The following ANKRD55 variants were observed in gnomAD, a reference collection of about 807,000 sequenced individuals.
ANKRD55 encodes ankyrin repeat domain 55.
Under a neutral mutation model 60.6 loss-of-function variants are expected in ANKRD55, and 41 were observed. The ratio of observed to expected loss-of-function variants is 0.68; its 90% CI spans 0.53 to 0.88. The LOEUF (loss-of-function observed/expected upper bound fraction) is 0.88, where lower values mean the gene tolerates loss of function less well. Ranked by LOEUF, ANKRD55 falls within the 40% of genes least tolerant of loss-of-function variation. The probability of loss-of-function intolerance (pLI) is 0.00; values close to 1 mark genes in which losing one functional copy is unlikely to be tolerated. For missense variants in ANKRD55, 732 were observed against 767.6 expected, an observed-to-expected ratio of 0.95 and a Z score of 0.55; for synonymous variants, 264 against 290.3, an observed-to-expected ratio of 0.91 and a Z score of 0.92.
chr5:56,112,511 A>AAAAAAAAAAAAAAACAAAAAAAAAAAC, intron 9 of ANKRD55, among the ~76,000 whole-genome samples: 11 of 81,522 alleles, frequency 1.3e-4, no homozygotes, highest in African/African-American at 3.8e-4. Context: ...TAGCAAAAAA[A>AAAAAAAAAAAAAAACAAAAAAAAAAAC]AAAAAAAAAA....
At chr5:56,148,048 G>A (rs1352013953) in intron 6 of ANKRD55, among the ~76,000 whole-genome samples, 2 of 152,218 alleles carry the variant, frequency 1.3e-5, no homozygotes, top group African/African-American at 4.8e-5. Context: ...AAAGGCAGAT[G>A]CTGTGGCATA....
intron 7 of ANKRD55, among the ~76,000 whole-genome samples, chr5:56,138,742 A>G (rs530626954): frequency 2.6e-5 from 4 of 152,254 alleles, no homozygotes; most frequent in Non-Finnish European, 4.4e-5. Context: ...AAAAAGCTAC[A>G]TACAGTACAA....
intron 5 of ANKRD55, among the ~76,000 whole-genome samples, chr5:56,167,101 C>A (rs976726654): frequency 5.3e-5 from 8 of 152,156 alleles, no homozygotes; most frequent in African/African-American, 1.9e-4. Flanking sequence ...GGACTAGTTT[C>A]CAATATTCTG....
intron 5 of ANKRD55, among the ~76,000 whole-genome samples, chr5:56,162,597 C>T (rs1758358076): frequency 6.6e-6 from 1 of 151,970 alleles, no homozygotes; most frequent in Non-Finnish European, 1.5e-5. Context: ...CATTTTCCTG[C>T]TCTTTTGGGG....
intron 10 of ANKRD55, among the ~76,000 whole-genome samples, chr5:56,108,984 C>A (rs1229598790): frequency 1.3e-5 from 2 of 151,486 alleles, no homozygotes; most frequent in African/African-American, 4.9e-5. Flanking sequence ...TTGCAGTGAG[C>A]CGAGATCATG....
At chr5:56,224,479 C>T (rs1266758294) in intron 2 of ANKRD55, among the ~76,000 whole-genome samples, 1 of 151,922 alleles carries the variant, frequency 6.6e-6, no homozygotes, top group Non-Finnish European at 1.5e-5. Context: ...GCAAGAAATA[C>T]CTAAGATTAG....
intron 3 of ANKRD55, among the ~76,000 whole-genome samples, chr5:56,180,905 G>T (rs1485984354): frequency 6.6e-6 from 1 of 152,144 alleles, no homozygotes; most frequent in Non-Finnish European, 1.5e-5. Flanking sequence ...TCCTTTTCAA[G>T]ATGTATGCTT....
intron 7 of ANKRD55, among the ~76,000 whole-genome samples, chr5:56,136,133 A>T (rs1237969566): frequency 6.6e-6 from 1 of 152,214 alleles, no homozygotes; most frequent in Non-Finnish European, 1.5e-5. Flanking sequence ...AAATAAATGG[A>T]TATTGCATGT....
chr5:56,158,787 G>A (rs1758255854), intron 6 of ANKRD55, among the ~76,000 whole-genome samples: 1 of 152,134 alleles, frequency 6.6e-6, no homozygotes. Context: ...TTGAACTTCT[G>A]GGCTCAAGTG....
chr5:56,164,614 T>A (rs1758408275), intron 5 of ANKRD55, among the ~76,000 whole-genome samples: 1 of 152,212 alleles, frequency 6.6e-6, no homozygotes. Context: ...AATTGCTGCT[T>A]GCCTTCCAAC....
At chr5:56,198,857 A>G (rs991075826) in intron 2 of ANKRD55, among the ~76,000 whole-genome samples, 4 of 151,896 alleles carry the variant, frequency 2.6e-5, no homozygotes, top group Non-Finnish European at 5.9e-5. Context: ...AGGCAGGCGG[A>G]TCACGAGGTC....
At chr5:56,202,097 G>C (rs2111859355) in intron 2 of ANKRD55, among the ~76,000 whole-genome samples, 1 of 152,294 alleles carries the variant, frequency 6.6e-6, no homozygotes, top group South Asian at 2.1e-4. Flanking sequence ...TGAATGATGA[G>C]AACACATGGA....
intron 7 of ANKRD55, chr5:56,137,526 G>A (rs940079347): frequency 1.4e-5 from 11 of 765,054 alleles, no homozygotes; most frequent in Non-Finnish European, 2.5e-5. Flanking sequence ...TATGGCACGA[G>A]AGTAAATTCA....
chr5:56,179,338 C>T (rs938348250), intron 3 of ANKRD55, among the ~76,000 whole-genome samples: 1 of 151,866 alleles, frequency 6.6e-6, no homozygotes, highest in African/African-American at 2.4e-5. Flanking sequence ...GCTATAAACC[C>T]AGGAAAAATA....
At chr5:56,227,256 C>T (rs1410913328) in intron 2 of ANKRD55, among the ~76,000 whole-genome samples, 1 of 149,512 alleles carries the variant, frequency 6.7e-6, no homozygotes, top group Non-Finnish European at 1.5e-5. Flanking sequence ...CCAAACACCA[C>T]ATGTTCTCAC....
At chr5:56,202,435 T>C (rs886155579) in intron 2 of ANKRD55, among the ~76,000 whole-genome samples, 2 of 152,224 alleles carry the variant, frequency 1.3e-5, no homozygotes, top group African/African-American at 2.4e-5. Flanking sequence ...CAGCAGGCTG[T>C]AGTAATTTTG....
chr5:56,193,438 C>G, intron 2 of ANKRD55: 1 of 542,418 alleles, frequency 1.8e-6, no homozygotes, highest in Non-Finnish European at 3.4e-6. Context: ...TGTAGAGGGT[C>G]CTGGTTGCTG....
intron 4 of ANKRD55, among the ~76,000 whole-genome samples, chr5:56,173,016 AC>A (rs1158284399): frequency 2.6e-5 from 4 of 152,148 alleles, no homozygotes; most frequent in African/African-American, 9.7e-5. Context: ...GACAAATTTT[AC>A]CCACCATGGT....
intron 2 of ANKRD55, among the ~76,000 whole-genome samples, chr5:56,221,786 C>T (rs564443114): frequency 1.4e-4 from 21 of 152,316 alleles, no homozygotes; most frequent in African/African-American, 4.3e-4. Context: ...AAGGCAGCAG[C>T]GAGGCTGGGG....
Sources: allele counts gnomAD v4.1 joint callset (sites outside exome capture counted in the v4.1 genomes callset), GRCh38; gene constraint gnomAD v4.1.1; transcripts MANE v1.5; gene names NCBI Gene and HGNC (gene_info 2026-07-23, HGNC 2026-07-21).